COL18A1: variants seen among roughly 807,000 people sequenced by gnomAD.
COL18A1 encodes collagen type XVIII alpha 1 chain, also known as collagen alpha-1(XVIII) chain.
A neutral mutation model predicts 168.0 loss-of-function variants in COL18A1; 133 were observed. The observed-to-expected ratio is 0.79, with a 90% CI of 0.69 to 0.91. The LOEUF is 0.91. Among genes scored for constraint, COL18A1 ranks in the 40% least tolerant of loss-of-function variants. The probability of loss-of-function intolerance (pLI) is 0.00; values close to 1 mark genes in which losing one functional copy is unlikely to be tolerated. For synonymous variants in COL18A1, 949 were observed against 809.0 expected (o/e 1.17, Z -2.94); for missense variants, 2,126 against 1,925.4 (o/e 1.10, Z -1.95).
chr21:45,479,904 C>T lies in COL18A1; in HGVS notation c.1251C>T (p.Gly417=), dbSNP rs778969794. 29 of 1,613,458 alleles carry T rather than the reference C, an allele frequency of 1.8e-5. No homozygotes were observed. The highest frequency in any genetic ancestry group is 1.7e-4 in the Middle Eastern group (1 of 6,052). ...GGCCCCCGGATGTTGTGTTCCAGGG[C>T]GACACCGGGCCACAAGGCTTCCCCG... The part of the protein sequence containing the change: ...PGDPGEDGKP[G]DTGPQGFPGT... Residue 417 remains glycine (G), a splice_region_variant and synonymous_variant, in exon 10 of 42, where the codon GGC becomes GGT. Transcript: ENST00000651438.
At chr21:45,480,895 G>T in intron 13 of COL18A1, 37 bp downstream of exon 13, 1 of 1,586,222 alleles carries the variant, frequency 6.3e-7, no homozygotes, top group Non-Finnish European at 8.6e-7. Context: ...CGGGAGCCCT[G>T]TCTGCTGGGA....
intron 2 of COL18A1, among the ~76,000 whole-genome samples, chr21:45,428,633 C>T (rs984306758): frequency 6.6e-6 from 1 of 152,154 alleles, no homozygotes; most frequent in Non-Finnish European, 1.5e-5. Context: ...AGCCACCGCC[C>T]GGCCCCAAGA....
At chr21:45,495,460 G>C (rs1464178134) in intron 29 of COL18A1, 28 bp downstream of exon 29, 5 of 1,574,976 alleles carry the variant, frequency 3.2e-6, no homozygotes, top group Non-Finnish European at 3.5e-6. Context: ...GGCGGACTGG[G>C]TGGCTGGGAG....
chr21:45,452,875 T>C (rs1041166863), intron 2 of COL18A1, among the ~76,000 whole-genome samples: 2 of 151,316 alleles, frequency 1.3e-5, no homozygotes, highest in African/African-American at 4.9e-5. Context: ...TGTATGCATG[T>C]GAGTATTCAC....
intron 37 of COL18A1, chr21:45,506,305 G>GCAGCC (rs558586163): frequency 2.7e-6 from 1 of 372,948 alleles, no homozygotes; most frequent in African/African-American, 2.1e-5. Flanking sequence ...CGGCAGGGGG[G>GCAGCC]CTCAGGCCCT....
At chr21:45,503,640 G>A (rs1359786030) in intron 32 of COL18A1, among the ~76,000 whole-genome samples, 2 of 113,044 alleles carry the variant, frequency 1.8e-5, no homozygotes, top group Non-Finnish European at 3.5e-5. Context: ...CTGTTGTGGG[G>A]TGGGGGGAGG....
intron 2 of COL18A1, among the ~76,000 whole-genome samples, chr21:45,428,212 G>A (rs774899999): frequency 6.6e-6 from 1 of 152,168 alleles, no homozygotes; most frequent in Non-Finnish European, 1.5e-5. Context: ...TGAGGAGCGT[G>A]TGGTGAGGGT....
chr21:45,498,479 CGCCAGGGTCCCCTCTCGCT>C lies in COL18A1; in HGVS notation c.2683+829_2683+847del, dbSNP rs952952279. ...TCTCGCCGCCACGGTCCCCGCTCGC[CGCCAGGGTCCCCTCTCGCT>C]GCCAGGGTCCTCTGCAGAGGAGGCC... On this transcript the variant is annotated intron_variant, in intron 32 of 41. Transcript: ENST00000651438. This position sits in a 1 kb window ranked among gnomAD's most constrained non-coding sequence, Gnocchi z 4.5. 7.0e-6 allele frequency: 5 copies of C among 713,750 alleles called. No homozygotes were observed. The highest frequency in any genetic ancestry group is 1.5e-5 in the South Asian group (1 of 67,472). The allele number at this position is 713,750 out of a possible 1,614,324, so 44.2% of individuals were successfully genotyped here. A position where few individuals can be genotyped will look rare whatever the true frequency, so the allele number is the denominator to read the frequency against.
chr21:45,505,939 C>T lies in COL18A1; in HGVS notation c.3189C>T (p.Arg1063=), dbSNP rs756604440. ...CCGAGCAGGAGGAGCTCTACGTCCGCGTGCAGAACGGGTTCCGGAAGGTCC... is the reference window on the plus strand; with the variant it reads ...CCGAGCAGGAGGAGCTCTACGTCCGTGTGCAGAACGGGTTCCGGAAGGTCC... ...FVAEQEELYV[R]VQNGFRKVQL... is the part of the protein sequence containing the mutation. The change falls in exon 37 of 42, where the codon CGC becomes CGT. Residue 1063 remains arginine (R), a synonymous_variant. Transcript: ENST00000651438. The T allele has an allele frequency of 3.0e-5, 49 of 1,613,134 alleles. No individual in the cohort carries two copies. The highest frequency in any genetic ancestry group is 3.3e-5 in the South Asian group (3 of 91,092).
At chr21:45,506,434 G>A (rs2037208786) in intron 37 of COL18A1, 1 of 286,800 alleles carries the variant, frequency 3.5e-6, no homozygotes, top group African/African-American at 2.2e-5. Flanking sequence ...GCTTAGCACG[G>A]GCCTTGCTCA....
rs768826416 is a variant in COL18A1, at chr21:45,480,751, C to T, written c.1504C>T (p.Pro502Ser). ...PPGPPGVPGL[P>S]GEPGRFGVNS... Reference sequence around the variant, plus strand: ...CGGACCCCCCGGTGTCCCAGGCCTGCCCGGCGAGCCAGGCCGCTTTGGGGT... The same window carrying T: ...CGGACCCCCCGGTGTCCCAGGCCTGTCCGGCGAGCCAGGCCGCTTTGGGGT... Residue 502 changes from proline (P) to serine (S), a missense_variant, in exon 13 of 42, where the codon CCC becomes TCC. Transcript: ENST00000651438. 18 of 1,610,724 alleles carry T rather than the reference C, an allele frequency of 1.1e-5. No individual in the cohort carries two copies. The highest frequency in any genetic ancestry group is 1.4e-5 in the Non-Finnish European group (17 of 1,179,880).
In COL18A1 at chr21:45,503,641, TG is replaced by T. The variant is rs922261574; in HGVS notation, c.2684-364del. Among the ~76,000 whole-genome samples, 21 of 54,874 alleles carry T rather than the reference TG, an allele frequency of 3.8e-4. 1 individual carries two copies. The highest frequency in any genetic ancestry group is 0.024 in the Middle Eastern group (1 of 42). 36.0% of individuals were successfully genotyped at this position (54,874 alleles called of 152,430 possible). A position where few individuals can be genotyped will look rare whatever the true frequency, so the allele number is the denominator to read the frequency against. On this transcript the variant is annotated intron_variant, in intron 32 of 41. Coordinates refer to ENST00000651438, the MANE Select transcript of COL18A1 (RefSeq NM_001379500.1). ...TCACACTCTGGGGACTGTTGTGGGG[TG>T]GGGGGAGGGGGGAGGGATAGCATTG...
Position 45,493,180 on chromosome 21 carries a change from G to C in COL18A1, c.2232G>C (p.Lys744Asn). The C allele has an allele frequency of 6.4e-7, 1 of 1,561,070 alleles. No individual in the cohort carries two copies. Among genetic ancestry groups the C allele is most frequent in the Non-Finnish European group, 8.7e-7 (1 of 1,152,552 alleles). Residue 744 changes from lysine (K) to asparagine (N), a missense_variant, in exon 25 of 42, where the codon AAG (lysine) becomes AAC (asparagine). Coordinates refer to ENST00000651438, the MANE Select transcript of COL18A1 (RefSeq NM_001379500.1). ...FAGFPGPAGP[K>N]GNLGSKGERG... ...CATTCCAGGGACCTGCAGGACCCAA[G>C]GGCAACCTGGGCTCTAAGGGCGAAC...
At chr21:45,482,348 G>T in intron 14 of COL18A1, 1 of 682,632 alleles carries the variant, frequency 1.5e-6, no homozygotes, top group Non-Finnish European at 2.7e-6. Context: ...GACGCAAGGA[G>T]CCGGGGCCCC....
chr21:45,478,909 A>G (rs1568906071), intron 9 of COL18A1, among the ~76,000 whole-genome samples: 1 of 152,234 alleles, frequency 6.6e-6, no homozygotes, highest in Admixed American at 6.5e-5. Flanking sequence ...AAAACAGTCT[A>G]GAAGGTCTGA....
In COL18A1 at chr21:45,468,740, G is replaced by T; in HGVS notation, c.605G>T (p.Gly202Val). The change falls in exon 3 of 42, where the codon GGG (glycine) becomes GTG (valine). Residue 202 changes from glycine to valine, a missense_variant. Coordinates refer to ENST00000651438, the MANE Select transcript of COL18A1 (RefSeq NM_001379500.1). ...GGCCTGGAGCTGGAGCCTGGCGCCG[G>T]GCTCTTCGTGGCTCAGGCGGGGGGA... ...SRGLELEPGAGLFVAQAGGAD... is the reference protein window; with the variant it reads ...SRGLELEPGAVLFVAQAGGAD... 6.2e-7 allele frequency: 1 copy of T among 1,609,438 alleles called. No homozygotes were observed. The highest frequency in any genetic ancestry group is 2.2e-5 in the East Asian group (1 of 44,866).
Position 45,509,399 on chromosome 21 carries a change from A to C in COL18A1, c.3293A>C (p.His1098Pro). Reference sequence around the variant, plus strand: ...TTGCAGCCCCCCGTGGTGCAGCTGCACGACAGCAACCCCTACCCGCGGCGG... The same window carrying C: ...TTGCAGCCCCCCGTGGTGCAGCTGCCCGACAGCAACCCCTACCCGCGGCGG... ...AALQPPVVQL[H>P]DSNPYPRREH... Residue 1098 changes from histidine (H) to proline (P), a missense_variant, in exon 39 of 42, where the codon CAC becomes CCC. Physicochemically the swap from His to Pro is moderately conservative, Grantham distance 77. Transcript: ENST00000651438. The C allele has an allele frequency of 6.5e-7, 1 of 1,543,524 alleles. No homozygotes were observed. Among genetic ancestry groups the C allele is most frequent in the African/African-American group, 1.4e-5 (1 of 73,088 alleles).
chr21:45,480,775 G>C lies in COL18A1; in HGVS notation c.1528G>C (p.Val510Leu), dbSNP rs2145937758. The change falls in exon 13 of 42, where the codon GTG becomes CTG. Residue 510 changes from valine (V) to leucine (L), a missense_variant. Coordinates refer to ENST00000651438, the MANE Select transcript of COL18A1 (RefSeq NM_001379500.1). ...GLPGEPGRFG[V>L]NSSDVPGPAG... is the part of the protein sequence containing the mutation. ...GCCCGGCGAGCCAGGCCGCTTTGGG[G>C]TGAACAGCTCCGACGTCCCAGGACC... The C allele has an allele frequency of 2.5e-6, 4 of 1,611,474 alleles. No homozygotes were observed. The highest frequency in any genetic ancestry group is 2.2e-5 in the East Asian group (1 of 44,860).
chr21:45,461,820 T>A (rs901432530), intron 2 of COL18A1, among the ~76,000 whole-genome samples: 1 of 152,274 alleles, frequency 6.6e-6, no homozygotes, highest in Admixed American at 6.5e-5. Flanking sequence ...GTTGTTGCAA[T>A]ACCAGCTTTT....
Sources: allele counts gnomAD v4.1 joint callset (sites outside exome capture counted in the v4.1 genomes callset), GRCh38; gene constraint gnomAD v4.1.1; non-coding constraint Gnocchi (gnomAD v3.1); transcripts MANE v1.5; gene names NCBI Gene and HGNC (gene_info 2026-07-23, HGNC 2026-07-21).